Variants in MORC3 observed in about 807,000 individuals in gnomAD.
The protein encoded by MORC3 is MORC family CW-type zinc finger protein 3.
A neutral mutation model predicts 109.1 loss-of-function variants in MORC3; 31 were observed. The observed-to-expected ratio is 0.28, with a 90% confidence interval of 0.21 to 0.38. MORC3 has a LOEUF of 0.38. Ranked by LOEUF, MORC3 falls within the 10% of genes least tolerant of loss-of-function variation. The pLI is 1.00. For synonymous variants in MORC3, 395 were observed against 380.7 expected (o/e 1.04, Z -0.44); for missense variants, 867 against 1,135.8 (o/e 0.76, Z 3.40).
chr21:36,359,859 AT>A, intron 10 of MORC3, 95 bp from the exon 11 acceptor site: 1 of 1,518,898 alleles, frequency 6.6e-7, no homozygotes, highest in Non-Finnish European at 9.1e-7. Flanking sequence ...AAGGAATTAA[AT>A]AATGGCATCT....
rs1366721361 is a variant in MORC3, at chr21:36,364,074, T to G, written c.1453-19T>G. On this transcript the variant is annotated intron_variant, in intron 13 of 16. Coordinates refer to ENST00000400485, the MANE Select transcript of MORC3 (RefSeq NM_015358.3). Reference sequence around the variant, plus strand: ...ACTAGAAATAGTTCCTTTAAGGTGATGATTTTTCCCTCCAACAGATTAATG... The same window carrying G: ...ACTAGAAATAGTTCCTTTAAGGTGAGGATTTTTCCCTCCAACAGATTAATG... 5.6e-6 allele frequency: 9 copies of G among 1,608,220 alleles called. No homozygotes were observed. The highest frequency in any genetic ancestry group is 1.7e-4 in the Middle Eastern group (1 of 6,040).
At chr21:36,333,374 C>A (rs912262186) in intron 1 of MORC3, 2 of 420,146 alleles carry the variant, frequency 4.8e-6, no homozygotes, top group Admixed American at 8.2e-5. Flanking sequence ...AAGGTATGTC[C>A]CTATTTGGGA....
chr21:36,353,755 A>ATTTTTTTTTTTTTTTTTTTTTTTTTTTT (rs1202729285), intron 9 of MORC3, among the ~76,000 whole-genome samples: 1 of 71,012 alleles, frequency 1.4e-5, no homozygotes, highest in African/African-American at 6.7e-5. Flanking sequence ...TAATTTTTGT[A>ATTTTTTTTTTTTTTTTTTTTTTTTTTTT]TTTTTTTTTT....
intron 1 of MORC3, among the ~76,000 whole-genome samples, chr21:36,332,307 G>A (rs1310590511): frequency 1.3e-5 from 2 of 150,820 alleles, no homozygotes; most frequent in African/African-American, 4.9e-5. Context: ...GTGGTGGTGC[G>A]CACCTGTAAT....
At chr21:36,339,037 T>G in intron 5 of MORC3, 116 bp downstream of exon 5, 1 of 1,188,592 alleles carries the variant, frequency 8.4e-7, no homozygotes, top group Non-Finnish European at 1.2e-6. Flanking sequence ...TACTCATTTT[T>G]TGGTGTAGTT....
chr21:36,374,708 T>G (rs1274493571), intron 16 of MORC3, among the ~76,000 whole-genome samples: 4 of 152,088 alleles, frequency 2.6e-5, no homozygotes, highest in Non-Finnish European at 5.9e-5. Flanking sequence ...GGTGGGAGAA[T>G]TGCGTGAACC....
intron 1 of MORC3, among the ~76,000 whole-genome samples, chr21:36,323,342 CAG>C (rs1381170496): frequency 3.3e-5 from 5 of 152,134 alleles, no homozygotes; most frequent in Non-Finnish European, 7.4e-5. Flanking sequence ...CTCTTTGTGC[CAG>C]AGTTTCCAAT....
chr21:36,330,140 G>GT (rs2085298622), intron 1 of MORC3, among the ~76,000 whole-genome samples: 1 of 152,030 alleles, frequency 6.6e-6, no homozygotes, highest in Non-Finnish European at 1.5e-5. Context: ...GGGATTACAG[G>GT]TGTGAGCCAC....
rs574781755 is a variant in MORC3 at position 36,372,261 on chromosome 21, T to C, written c.2509-113T>C. 16 of 902,486 alleles carry C rather than the reference T, an allele frequency of 1.8e-5. No individual in the cohort carries two copies. The African/African-American group carries it at 2.1e-4, about 12-fold the overall frequency. 55.9% of individuals were successfully genotyped at this position (902,486 alleles called of 1,614,324 possible). A position where few individuals can be genotyped will look rare whatever the true frequency, so the allele number is the denominator to read the frequency against. ...ACTGGTTTTTCTTTGTGTATTTGTT[T>C]TTTGATAGTTGATAATGTTATCAAG... is the stretch of plus-strand genomic sequence containing the variant. On this transcript the variant is annotated intron_variant, in intron 15 of 16. Coordinates refer to ENST00000400485, the MANE Select transcript of MORC3 (RefSeq NM_015358.3).
intron 14 of MORC3, 28 bp from the exon 15 acceptor site, chr21:36,368,960 T>C: frequency 6.6e-7 from 1 of 1,522,508 alleles, no homozygotes. Flanking sequence ...TTTATAATCT[T>C]ATGTTTTATG....
intron 7 of MORC3, 54 bp downstream of exon 7, chr21:36,344,761 TG>T: frequency 6.2e-7 from 1 of 1,603,022 alleles, no homozygotes. Flanking sequence ...TATTCTCTTT[TG>T]CCCCTTTCCC....
chr21:36,335,996 G>T (rs2085371537), intron 2 of MORC3, among the ~76,000 whole-genome samples: 1 of 151,850 alleles, frequency 6.6e-6, no homozygotes, highest in Non-Finnish European at 1.5e-5. Flanking sequence ...CGCTATCTCA[G>T]CTCATTGCAA....
intron 8 of MORC3, 32 bp downstream of exon 8, chr21:36,345,063 G>A (rs1487850831): frequency 6.4e-7 from 1 of 1,562,932 alleles, no homozygotes. Context: ...AAAAGAAAAT[G>A]TCTATTTTCC....
chr21:36,357,942 T>C (rs1027166676), intron 10 of MORC3, among the ~76,000 whole-genome samples: 1 of 151,756 alleles, frequency 6.6e-6, no homozygotes, highest in East Asian at 2.0e-4. Flanking sequence ...AGTTTCACCA[T>C]GTTGGCCAGG....
At chr21:36,327,022 C>A (rs1483369939) in intron 1 of MORC3, among the ~76,000 whole-genome samples, 2 of 151,762 alleles carry the variant, frequency 1.3e-5, no homozygotes, top group Non-Finnish European at 2.9e-5. Flanking sequence ...GCCATGTTGC[C>A]CAGGCTGGTC....
At chr21:36,332,353 T>G (rs969252298) in intron 1 of MORC3, among the ~76,000 whole-genome samples, 8 of 152,092 alleles carry the variant, frequency 5.3e-5, no homozygotes, top group African/African-American at 1.9e-4. Context: ...GGAGAACCGC[T>G]TGAACCCAGG....
chr21:36,329,470 CAT>C (rs949371657), intron 1 of MORC3, among the ~76,000 whole-genome samples: 27 of 152,052 alleles, frequency 1.8e-4, no homozygotes, highest in African/African-American at 5.3e-4. Flanking sequence ...TGAGGGGAAT[CAT>C]GTGAATGCCC....
intron 13 of MORC3, 60 bp downstream of exon 13, chr21:36,362,288 A>G (rs2085727576): frequency 1.3e-6 from 2 of 1,534,836 alleles, no homozygotes; most frequent in Non-Finnish European, 1.8e-6. Flanking sequence ...GACACCCGTA[A>G]TCCCAGCATT....
rs910365787 is a variant in MORC3 at position 36,341,620 on chromosome 21, C to G, written c.756+74C>G. On this transcript the variant is annotated intron_variant, in intron 6 of 16. Transcript: ENST00000400485. Reference sequence around the variant, plus strand: ...GTAGTATTAGGAGAGGTCATGTTACCTGCTTGTGATAGAAAGGCTGCCAGT... The same window carrying G: ...GTAGTATTAGGAGAGGTCATGTTACGTGCTTGTGATAGAAAGGCTGCCAGT... 1.3e-5 allele frequency: 20 copies of G among 1,579,738 alleles called. No individual in the cohort carries two copies. The African/African-American group carries it at 2.6e-4, about 20-fold the overall frequency.
Sources: allele counts gnomAD v4.1 joint callset (sites outside exome capture counted in the v4.1 genomes callset), GRCh38; gene constraint gnomAD v4.1.1; transcripts MANE v1.5; gene names NCBI Gene and HGNC (gene_info 2026-07-23, HGNC 2026-07-21).